Variants in RIC1 observed in about 807,000 individuals in gnomAD.
The protein encoded by RIC1 is guanine nucleotide exchange factor subunit RIC1.
RIC1 carries 88 observed loss-of-function variants against 169.0 expected under a neutral mutation model. The observed-to-expected ratio is 0.52, with a 90% CI of 0.44 to 0.62. RIC1 has a LOEUF of 0.62. RIC1 is among the 20% of genes least tolerant of loss of function. The probability of loss-of-function intolerance (pLI) is 0.00; values close to 1 mark genes in which losing one functional copy is unlikely to be tolerated. For synonymous variants in RIC1, 790 were observed against 601.5 expected (o/e 1.31, Z -4.59); for missense variants, 1,877 against 1,725.5 (o/e 1.09, Z -1.56).
chr9:5,778,061 A>T (rs1563735907), downstream of RIC1, among the ~76,000 whole-genome samples: 1 of 152,322 alleles, frequency 6.6e-6, no homozygotes, highest in Non-Finnish European at 1.5e-5. Flanking sequence ...GAATATTGCC[A>T]TATTAAGCCT....
At chr9:5,735,339 G>C (rs955524700) in intron 7 of RIC1, among the ~76,000 whole-genome samples, 1 of 152,214 alleles carries the variant, frequency 6.6e-6, no homozygotes, top group Non-Finnish European at 1.5e-5. Context: ...AAAATACACA[G>C]AGACAGAAGC....
chr9:5,767,743 A>T (rs988080089), intron 21 of RIC1, among the ~76,000 whole-genome samples: 1 of 151,772 alleles, frequency 6.6e-6, no homozygotes, highest in Admixed American at 6.6e-5. Flanking sequence ...ATGCACCACC[A>T]CGCCTGGCTC....
chr9:5,738,426 A>C (rs753534817), intron 7 of RIC1, 24 bp from the exon 8 acceptor site: 8 of 1,516,108 alleles, frequency 5.3e-6, no homozygotes, highest in Admixed American at 1.9e-5. Context: ...TTTCACTAAA[A>C]GTTTTTCGTT....
chr9:5,778,596 C>T (rs548643078), downstream of RIC1, among the ~76,000 whole-genome samples: 78 of 152,304 alleles, frequency 5.1e-4, no homozygotes, highest in African/African-American at 1.7e-3. Flanking sequence ...AAATCCCTTC[C>T]ATGATAAAAA....
chr9:5,688,669 TC>T (rs1821403973), intron 2 of RIC1, among the ~76,000 whole-genome samples: 1 of 152,170 alleles, frequency 6.6e-6, no homozygotes, highest in Non-Finnish European at 1.5e-5. Context: ...AAGTTAATGG[TC>T]AAAAAGAAAG....
chr9:5,711,264 C>G (rs184717573), intron 3 of RIC1, among the ~76,000 whole-genome samples: 1 of 152,100 alleles, frequency 6.6e-6, no homozygotes, highest in African/African-American at 2.4e-5. Context: ...GTACTTATCT[C>G]CCAGATTCAA....
At chr9:5,680,847 G>A (rs1440519253) in intron 2 of RIC1, among the ~76,000 whole-genome samples, 5 of 33,604 alleles carry the variant, frequency 1.5e-4, no homozygotes, top group Admixed American at 5.0e-4. Flanking sequence ...TTTTTTTTGA[G>A]ACGGAGTCTC....
At chr9:5,732,553 A>G in intron 7 of RIC1, 74 bp downstream of exon 7, 1 of 898,760 alleles carries the variant, frequency 1.1e-6, no homozygotes. Context: ...TGTAAACATA[A>G]GATGTTCCTA....
chr9:5,762,482 G>A, intron 17 of RIC1, 59 bp from the exon 18 acceptor site: 3 of 1,595,714 alleles, frequency 1.9e-6, no homozygotes, highest in Admixed American at 3.4e-5. Context: ...ATTGGGGGGA[G>A]ATGCGGAAAG....
intron 4 of RIC1, among the ~76,000 whole-genome samples, chr9:5,716,082 G>A (rs927349638): frequency 4.6e-5 from 7 of 151,898 alleles, no homozygotes; most frequent in Non-Finnish European, 8.8e-5. Flanking sequence ...AAGCTCAAGC[G>A]ATCTCCCCTC....
At chr9:5,749,308 G>T (rs1194376220) in intron 12 of RIC1, among the ~76,000 whole-genome samples, 3 of 152,142 alleles carry the variant, frequency 2.0e-5, no homozygotes, top group African/African-American at 7.2e-5. Context: ...GTATTTCGCT[G>T]GCACTCCAGC....
intron 3 of RIC1, among the ~76,000 whole-genome samples, chr9:5,690,517 G>C (rs1005126026): frequency 2.6e-5 from 4 of 151,160 alleles, no homozygotes; most frequent in African/African-American, 9.7e-5. Flanking sequence ...CCTTATAGCA[G>C]GCCTTAACTT....
In RIC1 at chr9:5,756,260, G is replaced by A. The variant is rs767305061; in HGVS notation, c.1741G>A (p.Val581Ile). 6.2e-7 allele frequency: 1 copy of A among 1,603,428 alleles called. No homozygotes were observed. Residue 581 changes from valine to isoleucine, a missense_variant, in exon 16 of 26, where the codon GTC becomes ATC. Coordinates refer to ENST00000414202, the MANE Select transcript of RIC1 (RefSeq NM_020829.4). ...TSNLDNAFAH[V>I]TKAQAETLLL... ...AAATCTGGACAATGCCTTTGCTCAT[G>A]TCACCAAAGCACAAGCAGAAACATT...
chr9:5,701,542 C>T (rs1447771349), intron 3 of RIC1, among the ~76,000 whole-genome samples: 2 of 150,812 alleles, frequency 1.3e-5, no homozygotes, highest in Non-Finnish European at 3.0e-5. Flanking sequence ...TGCAGTTTGC[C>T]GAGATTGCAC....
At chr9:5,722,348 AGTGTGTGT>A (rs1554673860) in intron 6 of RIC1, among the ~76,000 whole-genome samples, 11 of 131,298 alleles carry the variant, frequency 8.4e-5, no homozygotes, top group Non-Finnish European at 1.4e-4. Context: ...AGAGAGAGAG[AGTGTGTGT>A]GTGTGTGTGT....
At chr9:5,644,837 C>T (rs1480032437) in intron 1 of RIC1, among the ~76,000 whole-genome samples, 1 of 142,926 alleles carries the variant, frequency 7.0e-6, no homozygotes, top group Middle Eastern at 3.6e-3. Flanking sequence ...AAGTGCAAAA[C>T]TTTGTTCCAA....
At chr9:5,702,503 T>TTTTTG (rs1240890964) in intron 3 of RIC1, among the ~76,000 whole-genome samples, 6 of 143,532 alleles carry the variant, frequency 4.2e-5, no homozygotes, top group Middle Eastern at 3.4e-3. Context: ...ACACACTTTT[T>TTTTTG]TTTTGTTTTG....
chr9:5,695,569 ATC>A (rs1361042651), intron 3 of RIC1, among the ~76,000 whole-genome samples: 1 of 141,258 alleles, frequency 7.1e-6, no homozygotes, highest in Non-Finnish European at 1.5e-5. Flanking sequence ...TTATTATTAT[ATC>A]TTTTTTTTTT....
In RIC1 at chr9:5,667,275, T is replaced by A. The variant is rs557672397; in HGVS notation, c.252+10585T>A. ...AGTTCAAGGTTACCATGAGTTTTGA[T>A]CTTGTCACAGCACTCCAGCCTGGGC... On this transcript the variant is annotated intron_variant, in intron 2 of 25. Transcript: ENST00000414202. 8.1e-4 allele frequency among the ~76,000 whole-genome samples: 123 copies of A among 152,262 alleles called. 1 individual carries two copies. The highest frequency in any genetic ancestry group is 2.8e-3 in the African/African-American group (116 of 41,556).
Sources: allele counts gnomAD v4.1 joint callset (sites outside exome capture counted in the v4.1 genomes callset), GRCh38; gene constraint gnomAD v4.1.1; transcripts MANE v1.5; gene names NCBI Gene and HGNC (gene_info 2026-07-23, HGNC 2026-07-21).